Variants in PNKD observed in about 807,000 individuals in gnomAD.
PNKD encodes the protein probable thioesterase PNKD.
A neutral mutation model predicts 45.3 loss-of-function variants in PNKD; 36 were observed. The observed-to-expected ratio is 0.80, with a 90% CI of 0.61 to 1.05. PNKD has a LOEUF of 1.05. Ranked by LOEUF, PNKD falls within the 50% of genes least tolerant of loss-of-function variation. The pLI is 0.00. For synonymous variants in PNKD, 197 were observed against 210.1 expected, an observed-to-expected ratio of 0.94 and a Z score of 0.54; for missense variants, 511 against 506.6, an observed-to-expected ratio of 1.01 and a Z score of -0.08.
intron 2 of PNKD, among the ~76,000 whole-genome samples, chr2:218,337,615 A>G (rs1694535734): frequency 6.6e-6 from 1 of 152,180 alleles, no homozygotes; most frequent in Non-Finnish European, 1.5e-5. Context: ...GTTTGAACTG[A>G]AAGCTTGGCC....
intron 2 of PNKD, among the ~76,000 whole-genome samples, chr2:218,307,792 C>G (rs530588966): frequency 6.6e-5 from 10 of 152,112 alleles, no homozygotes; most frequent in Non-Finnish European, 1.0e-4. Context: ...AGAAGGGGAG[C>G]TTGTCAGAGA....
At chr2:218,301,325 T>C (rs1019614322) in intron 2 of PNKD, among the ~76,000 whole-genome samples, 1 of 152,174 alleles carries the variant, frequency 6.6e-6, no homozygotes, top group Non-Finnish European at 1.5e-5. Context: ...TCGTAATTCA[T>C]CTTGGCCAGA....
intron 2 of PNKD, among the ~76,000 whole-genome samples, chr2:218,304,206 T>A (rs1693352949): frequency 6.6e-6 from 1 of 151,834 alleles, no homozygotes; most frequent in South Asian, 2.1e-4. Flanking sequence ...CAGGCTGGAG[T>A]GCAGTGGCGT....
At chr2:218,274,255 A>G (rs911732144) in intron 2 of PNKD, 1 of 154,990 alleles carries the variant, frequency 6.5e-6, no homozygotes, top group African/African-American at 2.4e-5. Context: ...TGTGTGATAT[A>G]GTTAGGATTT....
intron 2 of PNKD, chr2:218,279,543 C>A: frequency 1.8e-6 from 1 of 542,978 alleles, no homozygotes. Flanking sequence ...TCCCATGCTC[C>A]CTGCCATCTC....
intron 2 of PNKD, among the ~76,000 whole-genome samples, chr2:218,312,439 G>A (rs1693641257): frequency 6.6e-6 from 1 of 152,096 alleles, no homozygotes; most frequent in Non-Finnish European, 1.5e-5. Flanking sequence ...CATCAGGGCT[G>A]AGGAGGGACT....
intron 2 of PNKD, among the ~76,000 whole-genome samples, chr2:218,294,678 A>C (rs1367799730): frequency 6.6e-6 from 1 of 152,120 alleles, no homozygotes. Flanking sequence ...GGGTCTCACT[A>C]TGTTGCCCAC....
chr2:218,330,199 C>T (rs1296100198), intron 2 of PNKD, among the ~76,000 whole-genome samples: 4 of 152,226 alleles, frequency 2.6e-5, no homozygotes, highest in African/African-American at 9.7e-5. Context: ...ATGCTGCTCC[C>T]CTGCCTTCCA....
intron 2 of PNKD, among the ~76,000 whole-genome samples, chr2:218,309,836 G>T (rs889999843): frequency 6.6e-6 from 1 of 151,980 alleles, no homozygotes; most frequent in Non-Finnish European, 1.5e-5. Context: ...TCAGGAGGCT[G>T]GGGGAGGAGA....
chr2:218,344,799 C>T lies in PNKD; in HGVS notation c.985-9C>T, dbSNP rs568589204. ...TCTCTCCACCAAACCTGGTTCCTCT[C>T]ACCCACAGTGCCCATCTACCCTGGG... is the stretch of plus-strand genomic sequence containing the variant. On this transcript the variant is annotated splice_polypyrimidine_tract_variant and intron_variant, in intron 9 of 9. Coordinates refer to ENST00000273077, the MANE Select transcript of PNKD (RefSeq NM_015488.5). 1.1e-5 allele frequency: 18 copies of T among 1,613,664 alleles called. No individual in the cohort carries two copies. The South Asian group carries it at 1.5e-4, about 14-fold the overall frequency.
intron 2 of PNKD, among the ~76,000 whole-genome samples, chr2:218,291,945 C>A (rs1056310033): frequency 6.6e-6 from 1 of 152,084 alleles, no homozygotes; most frequent in Non-Finnish European, 1.5e-5. Flanking sequence ...TAGGACCCCC[C>A]CTTCCCCACC....
At chr2:218,278,029 G>C in intron 2 of PNKD, 1 of 1,598,592 alleles carries the variant, frequency 6.3e-7, no homozygotes, top group South Asian at 1.1e-5. Context: ...AGGCGTCAGA[G>C]GCTCCTACAG....
intron 2 of PNKD, among the ~76,000 whole-genome samples, chr2:218,313,903 C>CTTTTTTTTTTTTTTTTTTTTTTTTTT (rs10550174): frequency 1.3e-5 from 1 of 77,722 alleles, no homozygotes; most frequent in African/African-American, 3.9e-5. Context: ...TTCTTTATTT[C>CTTTTTTTTTTTTTTTTTTTTTTTTTT]TTTTTTTTTT....
At chr2:218,287,130 A>T (rs547461434) in intron 2 of PNKD, 1 of 152,328 alleles carries the variant, frequency 6.6e-6, no homozygotes, top group Non-Finnish European at 1.5e-5. Context: ...ATCAGCCTGG[A>T]CTTTGGGACT....
intron 2 of PNKD, among the ~76,000 whole-genome samples, chr2:218,325,198 C>CTTTTTTTTTTTTTTT (rs746439948): frequency 5.0e-5 from 2 of 39,764 alleles, no homozygotes; most frequent in African/African-American, 2.4e-4. Context: ...CGCACCCGGC[C>CTTTTTTTTTTTTTTT]TTTTTTTTTT....
At chr2:218,323,904 C>T (rs1248846870) in intron 2 of PNKD, among the ~76,000 whole-genome samples, 1 of 152,188 alleles carries the variant, frequency 6.6e-6, no homozygotes, top group Non-Finnish European at 1.5e-5. Context: ...TTGTCCCACT[C>T]CCCAGCATCC....
chr2:218,311,463 C>T (rs930465398), intron 2 of PNKD, among the ~76,000 whole-genome samples: 5 of 152,104 alleles, frequency 3.3e-5, no homozygotes, highest in Non-Finnish European at 5.9e-5. Flanking sequence ...AGCAGGGCAA[C>T]AGGTGGGGAG....
At chr2:218,287,962 C>T (rs927714292) in intron 2 of PNKD, among the ~76,000 whole-genome samples, 2 of 152,182 alleles carry the variant, frequency 1.3e-5, no homozygotes, top group Non-Finnish European at 2.9e-5. Context: ...TCAGGATGGC[C>T]TGGGAGTACA....
chr2:218,344,727 G>A (rs1464918341), intron 9 of PNKD, 81 bp from the exon 10 acceptor site: 2 of 1,478,284 alleles, frequency 1.4e-6, no homozygotes, highest in African/African-American at 1.4e-5. Flanking sequence ...TCCAGGATGG[G>A]GCAGGGGTCG....
Sources: allele counts gnomAD v4.1 joint callset (sites outside exome capture counted in the v4.1 genomes callset), GRCh38; gene constraint gnomAD v4.1.1; transcripts MANE v1.5; gene names NCBI Gene and HGNC (gene_info 2026-07-23, HGNC 2026-07-21).